Variants in B3GALT1 observed in about 807,000 individuals in gnomAD.
B3GALT1 encodes UDP-Gal:betaGlcNAc beta 1,3-galactosyltransferase, polypeptide 1.
In B3GALT1, 10 loss-of-function variants were observed where a neutral mutation model predicts 23.2. The observed-to-expected ratio is 0.43, with a 90% confidence interval of 0.27 to 0.73. The LOEUF (loss-of-function observed/expected upper bound fraction) is 0.73, where lower values mean the gene tolerates loss of function less well. Among genes scored for constraint, B3GALT1 ranks in the 30% least tolerant of loss-of-function variants. The probability of loss-of-function intolerance (pLI) is 0.21; values close to 1 mark genes in which losing one functional copy is unlikely to be tolerated. For synonymous variants in B3GALT1, 156 were observed against 141.5 expected (o/e 1.10, Z -0.73); for missense variants, 299 against 405.4 (o/e 0.74, Z 2.25).
chr2:167,693,177 G>A (rs1025793847), intron 3 of B3GALT1, among the ~76,000 whole-genome samples: 1 of 151,688 alleles, frequency 6.6e-6, no homozygotes, highest in Non-Finnish European at 1.5e-5. Context: ...CAGAGTATGG[G>A]GAAATGATTA....
chr2:167,381,553 A>C (rs964468118), intron 1 of B3GALT1, among the ~76,000 whole-genome samples: 2 of 152,172 alleles, frequency 1.3e-5, no homozygotes, highest in Admixed American at 6.5e-5. Flanking sequence ...CATTCTTCGC[A>C]TTCTTTTTGG....
chr2:167,609,667 A>G (rs1027763582), intron 2 of B3GALT1, among the ~76,000 whole-genome samples: 28 of 152,158 alleles, frequency 1.8e-4, no homozygotes, highest in Non-Finnish European at 2.1e-4. Flanking sequence ...ACCAGCAACT[A>G]TCTCCTGTAT....
At chr2:167,834,943 T>C (rs1689427291) in intron 4 of B3GALT1, among the ~76,000 whole-genome samples, 1 of 152,174 alleles carries the variant, frequency 6.6e-6, no homozygotes, top group Non-Finnish European at 1.5e-5. Context: ...GCTAAGAAAC[T>C]CTGCCTCTGT....
In B3GALT1 at chr2:167,732,360, G is replaced by A. The variant is rs149355274; in HGVS notation, c.-352+85394G>A. Among the ~76,000 whole-genome samples, 73 of 152,308 alleles carry A rather than the reference G, an allele frequency of 4.8e-4. No homozygotes were observed. The East Asian group carries it at 0.013, about 27-fold the overall frequency. On this transcript the variant is annotated intron_variant, in intron 3 of 4. Transcript: ENST00000392690. ...AAACAGAGTTGTGAGTAGTACTGACGTAATTAGAAGTTGAACCTGTTTGGA... is the reference window on the plus strand; with the variant it reads ...AAACAGAGTTGTGAGTAGTACTGACATAATTAGAAGTTGAACCTGTTTGGA...
chr2:167,613,686 C>A (rs1685108253), intron 2 of B3GALT1, among the ~76,000 whole-genome samples: 1 of 151,694 alleles, frequency 6.6e-6, no homozygotes, highest in Admixed American at 6.6e-5. Flanking sequence ...GATTTCTGTG[C>A]TTTATCTCTT....
chr2:167,293,831 T>G (rs1696299643), intron 1 of B3GALT1, among the ~76,000 whole-genome samples: 1 of 151,288 alleles, frequency 6.6e-6, no homozygotes, highest in Admixed American at 6.6e-5. Flanking sequence ...TCCACGAGGC[T>G]CCCCAAAGTC....
chr2:167,865,812 A>T (rs149483686), intron 4 of B3GALT1, among the ~76,000 whole-genome samples: 10 of 152,076 alleles, frequency 6.6e-5, no homozygotes, highest in East Asian at 1.9e-4. Context: ...AATAAATAAA[A>T]AATAAAATAA....
At chr2:167,354,182 T>C (rs1303782360) in intron 1 of B3GALT1, among the ~76,000 whole-genome samples, 1 of 152,172 alleles carries the variant, frequency 6.6e-6, no homozygotes. Flanking sequence ...TTCAGTTTTA[T>C]ATACTTCTTT....
At chr2:167,785,531 A>G (rs1035493845) in intron 3 of B3GALT1, among the ~76,000 whole-genome samples, 3 of 152,244 alleles carry the variant, frequency 2.0e-5, no homozygotes, top group Non-Finnish European at 4.4e-5. Context: ...GTAAGAGGCC[A>G]TGTGAATTCT....
chr2:167,847,045 A>G (rs1251898867), intron 4 of B3GALT1, among the ~76,000 whole-genome samples: 1 of 152,254 alleles, frequency 6.6e-6, no homozygotes, highest in Admixed American at 6.5e-5. Flanking sequence ...CTTGTCCAAC[A>G]GCAAAATATC....
chr2:167,541,086 A>G (rs1259176982), intron 2 of B3GALT1, among the ~76,000 whole-genome samples: 1 of 152,166 alleles, frequency 6.6e-6, no homozygotes, highest in Admixed American at 6.5e-5. Context: ...ATCTTTATGC[A>G]TAAGCTTTTT....
At chr2:167,684,104 A>G (rs1558948252) in intron 3 of B3GALT1, among the ~76,000 whole-genome samples, 1 of 152,216 alleles carries the variant, frequency 6.6e-6, no homozygotes, top group Non-Finnish European at 1.5e-5. Flanking sequence ...AATGCAAGGC[A>G]TCAAAATTTC....
chr2:167,678,290 G>A (rs772446942), intron 3 of B3GALT1, among the ~76,000 whole-genome samples: 4 of 152,198 alleles, frequency 2.6e-5, no homozygotes, highest in Non-Finnish European at 1.5e-5. Context: ...TCCACTTTCC[G>A]TTTTAACAAT....
intron 2 of B3GALT1, among the ~76,000 whole-genome samples, chr2:167,569,537 A>G (rs1173141829): frequency 6.6e-6 from 1 of 151,864 alleles, no homozygotes; most frequent in Non-Finnish European, 1.5e-5. Flanking sequence ...CTTTTATACA[A>G]TTGCTTATCA....
At chr2:167,521,553 G>A (rs974107516) in intron 2 of B3GALT1, among the ~76,000 whole-genome samples, 162 of 152,020 alleles carry the variant, frequency 1.1e-3, no homozygotes, top group Non-Finnish European at 3.2e-4. Flanking sequence ...TACAAATGTG[G>A]CCTAATTTTT....
At chr2:167,635,426 G>A (rs1176024460) in intron 2 of B3GALT1, among the ~76,000 whole-genome samples, 1 of 152,098 alleles carries the variant, frequency 6.6e-6, no homozygotes, top group Non-Finnish European at 1.5e-5. Flanking sequence ...GTTTGCAGAC[G>A]ACATGATTGT....
At chr2:167,351,252 G>C (rs1041623531) in intron 1 of B3GALT1, among the ~76,000 whole-genome samples, 12 of 145,998 alleles carry the variant, frequency 8.2e-5, no homozygotes, top group East Asian at 4.1e-4. Flanking sequence ...CTGGGCAATA[G>C]AGTGAGACTC....
intron 1 of B3GALT1, among the ~76,000 whole-genome samples, chr2:167,473,421 T>C (rs1699446518): frequency 6.6e-6 from 1 of 152,152 alleles, no homozygotes; most frequent in Non-Finnish European, 1.5e-5. Flanking sequence ...TTAATTTCAG[T>C]GTATTCTCAT....
At chr2:167,580,785 T>A (rs1684470559) in intron 2 of B3GALT1, among the ~76,000 whole-genome samples, 1 of 152,200 alleles carries the variant, frequency 6.6e-6, no homozygotes. Context: ...GAGGATACAC[T>A]ACTGGTCTCC....
Sources: allele counts gnomAD v4.1 joint callset (sites outside exome capture counted in the v4.1 genomes callset), GRCh38; gene constraint gnomAD v4.1.1; transcripts MANE v1.5; gene names NCBI Gene and HGNC (gene_info 2026-07-23, HGNC 2026-07-21).